The following MGA variants were observed in gnomAD, a reference collection of about 807,000 sequenced individuals.
The protein encoded by MGA is MAX gene-associated protein.
In MGA, 40 loss-of-function variants were observed where a neutral mutation model predicts 261.1. That is an observed-to-expected ratio of 0.15 (90% confidence interval 0.12 to 0.20). The LOEUF (loss-of-function observed/expected upper bound fraction) is 0.20, where lower values mean the gene tolerates loss of function less well. Ranked by LOEUF, MGA falls within the 10% of genes least tolerant of loss-of-function variation. MGA has a pLI of 1.00. For missense variants in MGA, 3,397 were observed against 3,630.5 expected, an observed-to-expected ratio of 0.94 and a Z score of 1.65; for synonymous variants, 1,302 against 1,290.6, an observed-to-expected ratio of 1.01 and a Z score of -0.19.
chr15:41,711,560 A>T (rs1243811382), intron 8 of MGA, among the ~76,000 whole-genome samples: 1 of 151,428 alleles, frequency 6.6e-6, no homozygotes, highest in Non-Finnish European at 1.5e-5. Context: ...AGAGAGAGAG[A>T]GTACAATTGC....
intron 2 of MGA, among the ~76,000 whole-genome samples, chr15:41,671,127 A>G (rs2058036497): frequency 1.3e-5 from 2 of 152,128 alleles, no homozygotes; most frequent in African/African-American, 4.8e-5. Context: ...CAGATACAGA[A>G]AGTTGCCTGT....
intron 1 of MGA, among the ~76,000 whole-genome samples, chr15:41,629,095 G>C (rs1369965114): frequency 8.0e-6 from 1 of 125,020 alleles, no homozygotes; most frequent in Non-Finnish European, 1.6e-5. Flanking sequence ...GACTGAGCAA[G>C]ACTTCGTCTC....
rs989331174 is a variant in MGA, at chr15:41,742,644, C to G, written c.4684C>G (p.Leu1562Val). ...ACCTGGAGTTAGCACACCCCAAACC[C>G]TGGCAGGGACACAGAAGTTCAGTAT... The change falls in exon 15 of 24, where the codon CTG becomes GTG. Residue 1562 changes from leucine to valine, a missense_variant. Leu to Val is a conservative substitution (Grantham distance 32). Transcript: ENST00000219905. 9 of 1,613,846 alleles carry G rather than the reference C, an allele frequency of 5.6e-6. No homozygotes were observed. The Admixed American group carries it at 1.3e-4, about 24-fold the overall frequency.
At chr15:41,733,489 G>A (rs2061615680) in intron 11 of MGA, among the ~76,000 whole-genome samples, 1 of 152,096 alleles carries the variant, frequency 6.6e-6, no homozygotes, top group South Asian at 2.1e-4. Context: ...CCTTTCCATG[G>A]TTCAGCTGAT....
chr15:41,660,072 A>G (rs1312682878), upstream of MGA, among the ~76,000 whole-genome samples: 1 of 152,102 alleles, frequency 6.6e-6, no homozygotes, highest in African/African-American at 2.4e-5. Flanking sequence ...AGCCCTAGGG[A>G]AAGGGTGAAA....
chr15:41,720,741 G>A (rs891895831), intron 9 of MGA, among the ~76,000 whole-genome samples: 2 of 152,076 alleles, frequency 1.3e-5, no homozygotes, highest in Non-Finnish European at 2.9e-5. Flanking sequence ...GCTGAGCCAC[G>A]AGAATCTCTT....
At chr15:41,626,429 T>TA (rs983452108) in intron 1 of MGA, among the ~76,000 whole-genome samples, 1 of 152,028 alleles carries the variant, frequency 6.6e-6, no homozygotes, top group Non-Finnish European at 1.5e-5. Context: ...CTTTTTTTTT[T>TA]AAAATTTTTT....
intron 9 of MGA, among the ~76,000 whole-genome samples, chr15:41,719,730 G>A (rs2060838060): frequency 6.6e-6 from 1 of 151,870 alleles, no homozygotes; most frequent in African/African-American, 2.4e-5. Flanking sequence ...GTGACAGAGT[G>A]AGACCCTGTC....
chr15:41,712,377 A>C (rs1028446159), intron 8 of MGA, among the ~76,000 whole-genome samples: 1 of 151,992 alleles, frequency 6.6e-6, no homozygotes, highest in African/African-American at 2.4e-5. Context: ...ACGCCTGGCT[A>C]ATTTTTTGTA....
At chr15:41,651,803 CCCT>C (rs766385193) in intron 1 of MGA, among the ~76,000 whole-genome samples, 165 of 13,122 alleles carry the variant, frequency 0.013, 14 homozygotes, top group Admixed American at 0.092. Context: ...CCTCTCCCCC[CCCT>C]CTTCCTTTCC....
upstream of MGA, among the ~76,000 whole-genome samples, chr15:41,657,494 T>G (rs1020761542): frequency 6.6e-6 from 1 of 151,888 alleles, no homozygotes; most frequent in Non-Finnish European, 1.5e-5. Flanking sequence ...GCTGGGATTA[T>G]GGGCGCACGC....
intron 1 of MGA, among the ~76,000 whole-genome samples, chr15:41,664,625 C>G (rs112511078): frequency 6.6e-6 from 1 of 152,164 alleles, no homozygotes; most frequent in African/African-American, 2.4e-5. Context: ...CACATACACA[C>G]AAAGGATGTT....
chr15:41,627,803 G>C (rs373895913), intron 1 of MGA, among the ~76,000 whole-genome samples: 1 of 152,176 alleles, frequency 6.6e-6, no homozygotes, highest in African/African-American at 2.4e-5. Flanking sequence ...TATTTTAACA[G>C]TCTTTAAGCT....
chr15:41,683,143 G>A (rs1262520945), intron 2 of MGA, among the ~76,000 whole-genome samples: 2 of 152,132 alleles, frequency 1.3e-5, no homozygotes, highest in African/African-American at 4.8e-5. Flanking sequence ...TCTGCTTTCA[G>A]AACCTTTTAT....
At chr15:41,714,483 C>T (rs987598470) in intron 9 of MGA, among the ~76,000 whole-genome samples, 1 of 152,176 alleles carries the variant, frequency 6.6e-6, no homozygotes, top group Admixed American at 6.6e-5. Flanking sequence ...GTGCCAACTT[C>T]AGACGTATGC....
chr15:41,660,369 C>G (rs1471920723), upstream of MGA: 1 of 152,676 alleles, frequency 6.5e-6, no homozygotes, highest in African/African-American at 2.4e-5. Context: ...GCGGCGGGCT[C>G]CGAGCGGGTA....
In MGA at chr15:41,743,241, T is replaced by C. The variant is rs533437484; in HGVS notation, c.5212+69T>C. The C allele has an allele frequency of 2.2e-5, 32 of 1,448,220 alleles. No homozygotes were observed. In the South Asian group the frequency reaches 4.5e-4, roughly 20 times the overall value. 89.7% of individuals were successfully genotyped at this position (1,448,220 alleles called of 1,614,324 possible). A position where few individuals can be genotyped will look rare whatever the true frequency, so the allele number is the denominator to read the frequency against. ...TATTTATATAACTTTGTGGTTGTGTTAGGATTATAGATATATCAGGATAAC... is the reference window on the plus strand; with the variant it reads ...TATTTATATAACTTTGTGGTTGTGTCAGGATTATAGATATATCAGGATAAC... On this transcript the variant is annotated intron_variant, in intron 15 of 23. Coordinates refer to ENST00000219905, the MANE Select transcript of MGA (RefSeq NM_001164273.2).
In MGA at chr15:41,764,954, C is replaced by A; in HGVS notation, c.7813C>A (p.Leu2605Ile). ...TGTGATGACTCCGCAAGGGCAATTG[C>A]TCACCCTAAAAGGTCCCCTATTCTC... is the stretch of plus-strand genomic sequence containing the variant. Residue 2605 changes from leucine (L) to isoleucine (I), a missense_variant, in exon 23 of 24, where the codon CTC becomes ATC. Coordinates refer to ENST00000219905, the MANE Select transcript of MGA (RefSeq NM_001164273.2). 2 of 1,614,060 alleles carry A rather than the reference C, an allele frequency of 1.2e-6. No individual in the cohort carries two copies. Among genetic ancestry groups the A allele is most frequent in the East Asian group, 2.2e-5 (1 of 44,890 alleles).
intron 2 of MGA, among the ~76,000 whole-genome samples, chr15:41,672,787 A>G (rs1472711583): frequency 1.3e-5 from 2 of 152,130 alleles, no homozygotes; most frequent in African/African-American, 4.8e-5. Flanking sequence ...AGCGTAAAAT[A>G]TTTACTATCT....
Sources: allele counts gnomAD v4.1 joint callset (sites outside exome capture counted in the v4.1 genomes callset), GRCh38; gene constraint gnomAD v4.1.1; transcripts MANE v1.5; gene names NCBI Gene and HGNC (gene_info 2026-07-23, HGNC 2026-07-21).